ARHGAP26: variants seen among roughly 807,000 people sequenced by gnomAD.
The protein encoded by ARHGAP26 is Rho GTPase activating protein 26, also known as rho GTPase-activating protein 26.
ARHGAP26 carries 38 observed loss-of-function variants against 104.8 expected under a neutral mutation model. The ratio of observed to expected loss-of-function variants is 0.36; its 90% CI spans 0.28 to 0.48. ARHGAP26 has a LOEUF of 0.48. ARHGAP26 is among the 20% of genes least tolerant of loss of function. The pLI is 0.99. For missense variants in ARHGAP26, 704 were observed against 947.9 expected (o/e 0.74, Z 3.38); for synonymous variants, 341 against 340.0 (o/e 1.00, Z -0.03).
intron 20 of ARHGAP26, among the ~76,000 whole-genome samples, chr5:143,163,996 C>T (rs1801603712): frequency 6.6e-6 from 1 of 151,360 alleles, no homozygotes; most frequent in Non-Finnish European, 1.5e-5. Flanking sequence ...TTTTGAAGTC[C>T]TCCCCACCCC....
intron 17 of ARHGAP26, among the ~76,000 whole-genome samples, chr5:143,105,369 T>C (rs1436317194): frequency 7.5e-6 from 1 of 134,108 alleles, no homozygotes; most frequent in Admixed American, 7.7e-5. Context: ...AGAGCGAAGC[T>C]CCATCTCAAA....
intron 12 of ARHGAP26, among the ~76,000 whole-genome samples, chr5:143,035,517 A>G (rs958349539): frequency 2.0e-5 from 3 of 151,992 alleles, no homozygotes; most frequent in East Asian, 1.9e-4. Context: ...GAATGACACA[A>G]TGGACTTTGG....
intron 1 of ARHGAP26, chr5:142,867,010 A>G (rs1290781964): frequency 1.3e-5 from 2 of 152,056 alleles, no homozygotes; most frequent in Admixed American, 6.6e-5. Context: ...ACTTCTTCCA[A>G]TGTGGAAGCC....
At chr5:142,875,515 G>A (rs568878600) in intron 3 of ARHGAP26, among the ~76,000 whole-genome samples, 3 of 152,188 alleles carry the variant, frequency 2.0e-5, no homozygotes, top group African/African-American at 7.2e-5. Flanking sequence ...GCCCCACTCT[G>A]CCCCTCCCCC....
In ARHGAP26 at chr5:143,042,086, G is replaced by T. The variant is rs1022643667; in HGVS notation, c.1285+196G>T. ...CTGGGAAAGGTTCTGAGTAGGACTG[G>T]ACAAAATAAAAAATGCCAGGGCCCA... On this transcript the variant is annotated intron_variant, in intron 14 of 22. Coordinates refer to ENST00000645722, the MANE Select transcript of ARHGAP26 (RefSeq NM_001135608.3). Among the ~76,000 whole-genome samples, 4 of 152,186 alleles carry T rather than the reference G, an allele frequency of 2.6e-5. No individual in the cohort carries two copies. In the East Asian group the frequency reaches 7.7e-4, roughly 29 times the overall value.
chr5:142,784,430 G>A (rs191970788), intron 1 of ARHGAP26, among the ~76,000 whole-genome samples: 8 of 152,308 alleles, frequency 5.3e-5, no homozygotes, highest in African/African-American at 7.2e-5. Context: ...GAAACCGTAC[G>A]TAATTTGTAC....
intron 22 of ARHGAP26, among the ~76,000 whole-genome samples, chr5:143,216,940 C>T (rs1810431841): frequency 6.6e-6 from 1 of 152,174 alleles, no homozygotes; most frequent in African/African-American, 2.4e-5. Context: ...TTCACCTCTA[C>T]AGGAGAAAAT....
At chr5:143,209,820 G>T (rs1328488723) in intron 21 of ARHGAP26, among the ~76,000 whole-genome samples, 1 of 151,784 alleles carries the variant, frequency 6.6e-6, no homozygotes, top group Non-Finnish European at 1.5e-5. Context: ...TGGACTAAAT[G>T]TGTGTGCCCA....
Position 142,963,219 on chromosome 5 carries a change from T to TGC in ARHGAP26, c.1107+31098_1107+31099dup, listed in dbSNP as rs373802301. On this transcript the variant is annotated intron_variant, in intron 11 of 22. Transcript: ENST00000645722. ...ATATATGTGTGTGTGTGTGTGTGTG[T>TGC]GCGCGTGTGTGTGTGTACCACATTT... Among the ~76,000 whole-genome samples the TGC allele has an allele frequency of 3.5e-4, 45 of 127,976 alleles. 2 individuals are homozygous for TGC. The highest frequency in any genetic ancestry group is 1.2e-3 in the South Asian group (5 of 4,088). The allele number at this position is 127,976 out of a possible 152,430, so 84.0% of individuals were successfully genotyped here. A position where few individuals can be genotyped will look rare whatever the true frequency, so the allele number is the denominator to read the frequency against.
In ARHGAP26 at chr5:143,222,579, T is replaced by C; in HGVS notation, c.*133T>C. ...CTCTGTTGCTACCTGTCAACATGAATGTTTCTGTGAGCTCTGGTGTCACTC... is the reference window on the plus strand; with the variant it reads ...CTCTGTTGCTACCTGTCAACATGAACGTTTCTGTGAGCTCTGGTGTCACTC... On this transcript the variant is annotated 3_prime_UTR_variant, in exon 23 of 23. Coordinates refer to ENST00000645722, the MANE Select transcript of ARHGAP26 (RefSeq NM_001135608.3). 1.6e-6 allele frequency: 1 copy of C among 614,768 alleles called. No individual in the cohort carries two copies. The highest frequency in any genetic ancestry group is 3.3e-5 in the Admixed American group (1 of 30,628). 38.1% of individuals were successfully genotyped at this position (614,768 alleles called of 1,614,324 possible).
intron 14 of ARHGAP26, among the ~76,000 whole-genome samples, chr5:143,052,299 A>G (rs923795278): frequency 2.0e-5 from 3 of 151,920 alleles, no homozygotes; most frequent in Non-Finnish European, 1.5e-5. Flanking sequence ...GTGAAACCCC[A>G]TTTCTACTAA....
intron 1 of ARHGAP26, among the ~76,000 whole-genome samples, chr5:142,787,050 A>G (rs1758817168): frequency 6.6e-6 from 1 of 152,164 alleles, no homozygotes; most frequent in Non-Finnish European, 1.5e-5. Flanking sequence ...CATCTAGGTG[A>G]ACAGCACTGT....
At chr5:143,057,856 A>G in intron 17 of ARHGAP26, 109 bp downstream of exon 17, 1 of 923,256 alleles carries the variant, frequency 1.1e-6, no homozygotes, top group Non-Finnish European at 1.8e-6. Context: ...CTATTGCATC[A>G]GGTATGCTGG....
intron 20 of ARHGAP26, among the ~76,000 whole-genome samples, chr5:143,188,332 T>A (rs1805447206): frequency 6.6e-6 from 1 of 152,326 alleles, no homozygotes; most frequent in South Asian, 2.1e-4. Flanking sequence ...AGAGCAGGAA[T>A]AGTATTTTGA....
intron 1 of ARHGAP26, among the ~76,000 whole-genome samples, chr5:142,772,432 T>C (rs1352217344): frequency 6.6e-6 from 1 of 152,192 alleles, no homozygotes; most frequent in East Asian, 1.9e-4. Flanking sequence ...GGAATTTTGA[T>C]TGAACCTCAG....
intron 1 of ARHGAP26, among the ~76,000 whole-genome samples, chr5:142,829,330 A>G (rs1474809063): frequency 6.6e-6 from 1 of 152,188 alleles, no homozygotes; most frequent in Non-Finnish European, 1.5e-5. Context: ...TGGCCACCCC[A>G]TGTATGTGTC....
At chr5:142,818,995 T>C (rs1366905622) in intron 1 of ARHGAP26, among the ~76,000 whole-genome samples, 1 of 152,144 alleles carries the variant, frequency 6.6e-6, no homozygotes, top group Non-Finnish European at 1.5e-5. Flanking sequence ...GAGCCAGAGC[T>C]GTGCAGCACA....
chr5:143,129,464 C>T (rs765127010), intron 18 of ARHGAP26, among the ~76,000 whole-genome samples: 73 of 152,242 alleles, frequency 4.8e-4, no homozygotes, highest in Non-Finnish European at 8.8e-4. Context: ...AAATCAGATC[C>T]GCCAGACTCC....
At chr5:143,052,152 T>C (rs1391935672) in intron 14 of ARHGAP26, among the ~76,000 whole-genome samples, 1 of 152,204 alleles carries the variant, frequency 6.6e-6, no homozygotes, top group Non-Finnish European at 1.5e-5. Flanking sequence ...CTATGGAATT[T>C]ACTGTTCTGT....
Sources: allele counts gnomAD v4.1 joint callset (sites outside exome capture counted in the v4.1 genomes callset), GRCh38; gene constraint gnomAD v4.1.1; transcripts MANE v1.5; gene names NCBI Gene and HGNC (gene_info 2026-07-23, HGNC 2026-07-21).